The following FUT8 variants were observed in gnomAD, a reference collection of about 807,000 sequenced individuals.
FUT8 encodes the protein alpha-(1,6)-fucosyltransferase.
FUT8 carries 29 observed loss-of-function variants against 71.3 expected under a neutral mutation model. The observed-to-expected ratio is 0.41, with a 90% CI of 0.30 to 0.55. The LOEUF is 0.55. Ranked by LOEUF, FUT8 falls within the 20% of genes least tolerant of loss-of-function variation. The pLI is 0.34. For missense variants in FUT8, 544 were observed against 702.1 expected (o/e 0.77, Z 2.55); for synonymous variants, 254 against 239.3 (o/e 1.06, Z -0.57).
At chr14:65,495,012 T>C (rs1440213382) in intron 2 of FUT8, among the ~76,000 whole-genome samples, 5 of 152,036 alleles carry the variant, frequency 3.3e-5, no homozygotes, top group Non-Finnish European at 5.9e-5. Flanking sequence ...TAGATAGAGC[T>C]CTGGAGGAGA....
chr14:65,469,923 G>A (rs2066111564), intron 2 of FUT8, among the ~76,000 whole-genome samples: 1 of 152,206 alleles, frequency 6.6e-6, no homozygotes, highest in African/African-American at 2.4e-5. Flanking sequence ...TGCAGTCTGC[G>A]GGACTGGCAG....
chr14:65,646,992 T>G (rs1318471576), intron 6 of FUT8, among the ~76,000 whole-genome samples: 2 of 152,212 alleles, frequency 1.3e-5, no homozygotes, highest in Non-Finnish European at 2.9e-5. Flanking sequence ...ATTTGACCTA[T>G]CTAAACCTAA....
intron 2 of FUT8, among the ~76,000 whole-genome samples, chr14:65,469,321 C>A (rs1398537509): frequency 1.3e-5 from 2 of 152,028 alleles, no homozygotes; most frequent in African/African-American, 2.4e-5. Flanking sequence ...AATTTTTTTT[C>A]ATAGCCAGAC....
chr14:65,644,454 G>T (rs1194435595), intron 6 of FUT8, among the ~76,000 whole-genome samples: 1 of 151,740 alleles, frequency 6.6e-6, no homozygotes, highest in African/African-American at 2.4e-5. Flanking sequence ...CCGCCTCCCG[G>T]GTTCACGCCA....
chr14:65,604,934 C>T (rs1346312621), intron 3 of FUT8, among the ~76,000 whole-genome samples: 2 of 151,638 alleles, frequency 1.3e-5, no homozygotes, highest in Non-Finnish European at 2.9e-5. Flanking sequence ...TGCATGAAAG[C>T]ATGTTTTTAT....
intron 7 of FUT8, among the ~76,000 whole-genome samples, chr14:65,679,389 A>C (rs1190651450): frequency 6.6e-6 from 1 of 152,206 alleles, no homozygotes; most frequent in Non-Finnish European, 1.5e-5. Flanking sequence ...TAATACCTAG[A>C]TTGAATTCAG....
At chr14:65,434,344 A>C (rs1014850907) in intron 1 of FUT8, among the ~76,000 whole-genome samples, 1 of 152,178 alleles carries the variant, frequency 6.6e-6, no homozygotes, top group South Asian at 2.1e-4. Context: ...GCAAGGATGC[A>C]TGGCCTCAGA....
At chr14:65,507,971 G>C (rs1339411147) in intron 2 of FUT8, among the ~76,000 whole-genome samples, 1 of 151,704 alleles carries the variant, frequency 6.6e-6, no homozygotes, top group Non-Finnish European at 1.5e-5. Flanking sequence ...ATTGATTATT[G>C]CTTGTCTTTC....
At chr14:65,513,452 T>C (rs10483780) in intron 2 of FUT8, among the ~76,000 whole-genome samples, 54,091 of 152,070 alleles carry the variant, frequency 0.36, 11,966 homozygotes, top group Non-Finnish European at 0.5. Flanking sequence ...AAAGTCATTC[T>C]TCAAGTAGTT....
intron 7 of FUT8, among the ~76,000 whole-genome samples, chr14:65,714,900 T>A (rs1158013709): frequency 6.6e-6 from 1 of 152,056 alleles, no homozygotes; most frequent in African/African-American, 2.4e-5. Context: ...TGTTGACATA[T>A]AGAAATGCAC....
Position 65,681,713 on chromosome 14 carries a change from T to C in FUT8, c.835+12233T>C, listed in dbSNP as rs188385052. 2.6e-3 allele frequency among the ~76,000 whole-genome samples: 394 copies of C among 152,340 alleles called. 5 individuals carry two copies. The highest frequency in any genetic ancestry group is 9.0e-3 in the African/African-American group (373 of 41,584). ...TGAGTACTGCTCAGTTCAGGCACTA[T>C]GATCGTGATCACATTACAGTAATAG... On this transcript the variant is annotated intron_variant, in intron 7 of 10. Transcript: ENST00000673929.
intron 6 of FUT8, among the ~76,000 whole-genome samples, chr14:65,654,554 A>C (rs1263843185): frequency 6.6e-6 from 1 of 151,490 alleles, no homozygotes. Context: ...TCGTGCCACT[A>C]CACTCCAGCC....
At chr14:65,549,029 T>C (rs1014545343) in intron 2 of FUT8, among the ~76,000 whole-genome samples, 3 of 152,202 alleles carry the variant, frequency 2.0e-5, no homozygotes, top group African/African-American at 4.8e-5. Flanking sequence ...AACCACACTT[T>C]GATACCACTA....
At chr14:65,610,976 C>T (rs527683533) in intron 3 of FUT8, among the ~76,000 whole-genome samples, 38 of 151,178 alleles carry the variant, frequency 2.5e-4, no homozygotes, top group African/African-American at 8.7e-4. Flanking sequence ...AATTTTTTTT[C>T]TTACTATATC....
intron 6 of FUT8, among the ~76,000 whole-genome samples, chr14:65,640,369 A>G (rs1890769227): frequency 6.6e-6 from 1 of 152,072 alleles, no homozygotes; most frequent in Admixed American, 6.6e-5. Context: ...TACTTAGTTG[A>G]ATTTCTCCAG....
chr14:65,727,199 G>A (rs1489894851), intron 9 of FUT8, among the ~76,000 whole-genome samples: 1 of 152,078 alleles, frequency 6.6e-6, no homozygotes, highest in Non-Finnish European at 1.5e-5. Flanking sequence ...TCTGGAGGAT[G>A]GTGGCCCTCT....
chr14:65,439,954 G>GTACGTATATATA (rs1378430231), intron 1 of FUT8, among the ~76,000 whole-genome samples: 2 of 74,982 alleles, frequency 2.7e-5, no homozygotes, highest in Non-Finnish European at 2.5e-5. Context: ...GTGTGTGTGT[G>GTACGTATATATA]TATATATATA....
chr14:65,420,687 CGTATA>C (rs2065280203), intron 1 of FUT8, among the ~76,000 whole-genome samples: 3 of 151,926 alleles, frequency 2.0e-5, no homozygotes, highest in Non-Finnish European at 2.9e-5. Flanking sequence ...CTTTTCAGCA[CGTATA>C]GTTCACCCTT....
At chr14:65,693,011 T>A (rs1244979699) in intron 7 of FUT8, among the ~76,000 whole-genome samples, 8 of 149,490 alleles carry the variant, frequency 5.4e-5, no homozygotes, top group Non-Finnish European at 1.0e-4. Flanking sequence ...GAGATGCTCC[T>A]CACTTTCCAG....
Sources: allele counts gnomAD v4.1 joint callset (sites outside exome capture counted in the v4.1 genomes callset), GRCh38; gene constraint gnomAD v4.1.1; transcripts MANE v1.5; gene names NCBI Gene and HGNC (gene_info 2026-07-23, HGNC 2026-07-21).